RPAP2: variants seen among roughly 807,000 people sequenced by gnomAD.
The protein encoded by RPAP2 is putative RNA polymerase II subunit B1 CTD phosphatase RPAP2.
Under a neutral mutation model 73.1 loss-of-function variants are expected in RPAP2, and 52 were observed. That is an observed-to-expected ratio of 0.71 (90% CI 0.57 to 0.90). The LOEUF is 0.90. RPAP2 is among the 40% of genes least tolerant of loss of function. The probability of loss-of-function intolerance (pLI) is 0.00; values close to 1 mark genes in which losing one functional copy is unlikely to be tolerated. For synonymous variants in RPAP2, 225 were observed against 242.1 expected (o/e 0.93, Z 0.65); for missense variants, 598 against 701.8 (o/e 0.85, Z 1.67).
chr1:92,356,695 G>A (rs372668940), intron 11 of RPAP2, among the ~76,000 whole-genome samples: 10 of 150,412 alleles, frequency 6.6e-5, no homozygotes, highest in East Asian at 2.0e-4. Flanking sequence ...TCAGCCTTCC[G>A]AAGTGCTGGG....
At chr1:92,382,810 T>G (rs1655702020) in intron 12 of RPAP2, among the ~76,000 whole-genome samples, 1 of 151,522 alleles carries the variant, frequency 6.6e-6, no homozygotes, top group Admixed American at 6.6e-5. Context: ...TTGTTGCCAT[T>G]GCTTTTGGTG....
intron 10 of RPAP2, among the ~76,000 whole-genome samples, chr1:92,342,762 TGA>T (rs1653669473): frequency 6.6e-6 from 1 of 152,084 alleles, no homozygotes; most frequent in African/African-American, 2.4e-5. Flanking sequence ...ACATGGGATG[TGA>T]GAGAGTCAAG....
At chr1:92,338,843 C>T (rs1653434287) in intron 10 of RPAP2, among the ~76,000 whole-genome samples, 1 of 151,886 alleles carries the variant, frequency 6.6e-6, no homozygotes, top group South Asian at 2.1e-4. Flanking sequence ...CTCTTGCCCT[C>T]AAGGGATCCT....
intron 12 of RPAP2, among the ~76,000 whole-genome samples, chr1:92,384,761 T>G (rs1247629712): frequency 6.6e-6 from 1 of 152,146 alleles, no homozygotes; most frequent in Non-Finnish European, 1.5e-5. Context: ...TTGGTTTGTA[T>G]AAGCATAACA....
intron 11 of RPAP2, among the ~76,000 whole-genome samples, chr1:92,354,248 G>T (rs532459900): frequency 7.9e-5 from 12 of 152,266 alleles, no homozygotes; most frequent in African/African-American, 2.2e-4. Flanking sequence ...TAGCATCGGG[G>T]TCTGCCACTA....
intron 8 of RPAP2, among the ~76,000 whole-genome samples, chr1:92,331,557 T>G (rs1652969229): frequency 6.6e-6 from 1 of 152,200 alleles, no homozygotes; most frequent in Non-Finnish European, 1.5e-5. Flanking sequence ...TAAAGTCTAA[T>G]GTAAGTTAAT....
chr1:92,341,216 C>G (rs995238331), intron 10 of RPAP2, among the ~76,000 whole-genome samples: 4 of 152,034 alleles, frequency 2.6e-5, no homozygotes, highest in Non-Finnish European at 5.9e-5. Flanking sequence ...ACCATGTTGC[C>G]CAGGCTGGTC....
At chr1:92,373,150 A>G (rs982054330) in intron 11 of RPAP2, among the ~76,000 whole-genome samples, 8 of 149,184 alleles carry the variant, frequency 5.4e-5, no homozygotes, top group Non-Finnish European at 1.0e-4. Context: ...ATGATGATGG[A>G]GAAAAAGCAA....
intron 11 of RPAP2, among the ~76,000 whole-genome samples, chr1:92,352,952 T>C (rs1654289830): frequency 6.6e-6 from 1 of 152,234 alleles, no homozygotes; most frequent in Non-Finnish European, 1.5e-5. Context: ...GAATCATATG[T>C]GACCTTTTGT....
chr1:92,329,714 A>C (rs1652849361), intron 8 of RPAP2, among the ~76,000 whole-genome samples: 1 of 152,104 alleles, frequency 6.6e-6, no homozygotes, highest in Admixed American at 6.5e-5. Flanking sequence ...TTTAATATTA[A>C]ACCAACTTTG....
At position 92,391,152 on chromosome 1, in the gene RPAP2, CA is replaced by C. The variant is rs1656026806; in HGVS notation, c.*4144del. 6.6e-6 allele frequency: 1 copy of C among 152,200 alleles called. No individual in the cohort carries two copies. Among genetic ancestry groups the C allele is most frequent in the Admixed American group, 6.5e-5 (1 of 15,282 alleles). The allele number at this position is 152,200 out of a possible 1,614,324, so 9.4% of individuals were successfully genotyped here. Reference sequence around the variant, plus strand: ...TAATTGGAAGTAAAGCACTCTTCAGCAAATGCAAAAGAACAGAAATCACAAC... The same window carrying C: ...TAATTGGAAGTAAAGCACTCTTCAGCAATGCAAAAGAACAGAAATCACAAC... On this transcript the variant is annotated 3_prime_UTR_variant, in exon 13 of 13. Transcript: ENST00000610020.
At chr1:92,386,727 G>A (rs1005378915) in intron 12 of RPAP2, among the ~76,000 whole-genome samples, 12 of 152,066 alleles carry the variant, frequency 7.9e-5, no homozygotes, top group Non-Finnish European at 1.8e-4. Flanking sequence ...TTGAGATGGT[G>A]TCTTGCTCTG....
chr1:92,371,314 A>AT (rs1557628918), intron 11 of RPAP2, among the ~76,000 whole-genome samples: 42 of 41,188 alleles, frequency 1.0e-3, no homozygotes, highest in Non-Finnish European at 2.0e-3. Flanking sequence ...CAAAAAAAAA[A>AT]AAAAAATATA....
intron 11 of RPAP2, among the ~76,000 whole-genome samples, chr1:92,378,542 G>C (rs1298538448): frequency 6.6e-6 from 1 of 152,050 alleles, no homozygotes; most frequent in Non-Finnish European, 1.5e-5. Context: ...ACAAAAGCTA[G>C]GTTTCTGTGG....
intron 2 of RPAP2, 60 bp downstream of exon 2, chr1:92,300,299 C>A: frequency 3.1e-6 from 4 of 1,271,114 alleles, no homozygotes; most frequent in South Asian, 1.3e-5. Flanking sequence ...TTACTTGTAC[C>A]AATTTTAAAA....
At chr1:92,382,137 T>C (rs1655669007) in intron 12 of RPAP2, among the ~76,000 whole-genome samples, 2 of 152,136 alleles carry the variant, frequency 1.3e-5, no homozygotes, top group Admixed American at 6.6e-5. Flanking sequence ...CCATGGTGTA[T>C]ATGTGCCACA....
At chr1:92,372,119 CA>C (rs768048731) in intron 11 of RPAP2, among the ~76,000 whole-genome samples, 2 of 152,058 alleles carry the variant, frequency 1.3e-5, no homozygotes, top group Non-Finnish European at 2.9e-5. Context: ...TAAATATATG[CA>C]ATTTTTATTT....
Position 92,304,369 on chromosome 1 carries a change from T to G in RPAP2, c.399+20T>G, listed in dbSNP as rs762466513. The G allele has an allele frequency of 7.1e-7, 1 of 1,407,502 alleles. No homozygotes were observed. Among genetic ancestry groups the G allele is most frequent in the South Asian group, 1.3e-5 (1 of 77,642 alleles). 87.2% of individuals were successfully genotyped at this position (1,407,502 alleles called of 1,614,324 possible). On this transcript the variant is annotated intron_variant, in intron 5 of 12. Transcript: ENST00000610020. ...AGAAAGGTGAGTTTAAAGGCTTTCA[T>G]TGTGGCAATTAATTTTTTTTCTTTA...
At chr1:92,371,319 A>AAAAAT (rs1199565882) in intron 11 of RPAP2, among the ~76,000 whole-genome samples, 1 of 61,730 alleles carries the variant, frequency 1.6e-5, no homozygotes, top group Admixed American at 1.8e-4. Flanking sequence ...AAAAAAAAAA[A>AAAAAT]ATATATATAT....
Sources: gnomAD v4.1 joint callset for allele counts (sites outside exome capture counted in the v4.1 genomes callset) on GRCh38, gnomAD v4.1.1 for gene constraint, MANE v1.5 for transcripts, NCBI Gene and HGNC (gene_info 2026-07-23, HGNC 2026-07-21) for gene names.